Variants in LINGO2 observed in about 807,000 individuals in gnomAD.
The protein encoded by LINGO2 is leucine rich repeat and Ig domain containing 2.
A neutral mutation model predicts 30.6 loss-of-function variants in LINGO2; 14 were observed. The ratio of observed to expected loss-of-function variants is 0.46; its 90% CI spans 0.30 to 0.72. LINGO2 has a LOEUF of 0.72. LINGO2 is among the 30% of genes least tolerant of loss of function. LINGO2 has a pLI of 0.07. For missense variants in LINGO2, 729 were observed against 751.7 expected (o/e 0.97, Z 0.35); for synonymous variants, 317 against 288.5 (o/e 1.10, Z -1.00).
At chr9:28,314,339 A>G (rs1824754579) in intron 3 of LINGO2, among the ~76,000 whole-genome samples, 2 of 152,220 alleles carry the variant, frequency 1.3e-5, no homozygotes, top group South Asian at 2.1e-4. Flanking sequence ...AAAGTTGATC[A>G]ATAAATCCAC....
chr9:28,348,984 C>T lies in LINGO2; in HGVS notation c.-246+23852G>A, dbSNP rs1377900332. Among the ~76,000 whole-genome samples the T allele has an allele frequency of 2.0e-4, 30 of 150,340 alleles. No individual in the cohort carries two copies. In the South Asian group the frequency reaches 3.4e-3, roughly 17 times the overall value. ...TAACAAACAGAAAGGACATCCACAC[C>T]AAAAACCCATCTGTACATCACCATC... On this transcript the variant is annotated intron_variant, in intron 3 of 5. Transcript: ENST00000379992.
chr9:28,797,353 TATATATAGAGAG>T, the LINGO2 span, among the ~76,000 whole-genome samples: 156 of 60,992 alleles, frequency 2.6e-3, no homozygotes, highest in African/African-American at 8.1e-3. Context: ...TATATATATA[TATATATAGAGAG>T]AGAGAGAGAG....
At chr9:28,897,871 T>C in the LINGO2 span, among the ~76,000 whole-genome samples, 2 of 152,146 alleles carry the variant, frequency 1.3e-5, no homozygotes, top group African/African-American at 2.4e-5. Flanking sequence ...CCATAATAGA[T>C]AGAAATTTGG....
chr9:29,175,322 C>T, the LINGO2 span, among the ~76,000 whole-genome samples: 1 of 152,130 alleles, frequency 6.6e-6, no homozygotes, highest in African/African-American at 2.4e-5. Context: ...CAATGGACTA[C>T]TATTTTATAT....
At chr9:28,291,061 A>C (rs1823710429) in intron 4 of LINGO2, among the ~76,000 whole-genome samples, 2 of 152,136 alleles carry the variant, frequency 1.3e-5, no homozygotes, top group Admixed American at 1.3e-4. Context: ...TTGTCCACTT[A>C]ATGACACTTT....
At chr9:28,143,925 T>C (rs1010465750) in intron 4 of LINGO2, among the ~76,000 whole-genome samples, 3 of 152,192 alleles carry the variant, frequency 2.0e-5, no homozygotes, top group Admixed American at 2.0e-4. Flanking sequence ...ATAAAAACTT[T>C]TGTTGTGACT....
intron 1 of LINGO2, among the ~76,000 whole-genome samples, chr9:28,516,635 T>G (rs1820629420): frequency 6.6e-6 from 1 of 152,190 alleles, no homozygotes; most frequent in African/African-American, 2.4e-5. Flanking sequence ...TTAAAAAAAT[T>G]TAAAACCAAG....
At chr9:28,407,760 C>A (rs1564180249) in intron 2 of LINGO2, among the ~76,000 whole-genome samples, 1 of 152,108 alleles carries the variant, frequency 6.6e-6, no homozygotes, top group Non-Finnish European at 1.5e-5. Context: ...TAACCTTTTC[C>A]TTACATTATA....
the LINGO2 span, among the ~76,000 whole-genome samples, chr9:28,700,602 T>G: frequency 6.6e-6 from 1 of 152,130 alleles, no homozygotes; most frequent in Admixed American, 6.6e-5. Context: ...CATCCATGTT[T>G]AAACCATTCA....
At chr9:28,716,927 C>T in the LINGO2 span, among the ~76,000 whole-genome samples, 8 of 151,960 alleles carry the variant, frequency 5.3e-5, no homozygotes, top group East Asian at 7.7e-4. Flanking sequence ...TTAAAATATA[C>T]GGTTTCTATC....
intron 4 of LINGO2, among the ~76,000 whole-genome samples, chr9:28,200,082 T>C (rs1554686543): frequency 1.3e-5 from 2 of 151,842 alleles, no homozygotes; most frequent in South Asian, 2.1e-4. Context: ...AACAAAACAC[T>C]TTCTTCACAA....
At chr9:28,984,798 T>C in the LINGO2 span, among the ~76,000 whole-genome samples, 8 of 152,136 alleles carry the variant, frequency 5.3e-5, no homozygotes, top group African/African-American at 1.9e-4. Context: ...CATTCATGAA[T>C]ACAATGTGGA....
chr9:29,083,467 G>T, the LINGO2 span, among the ~76,000 whole-genome samples: 1 of 151,950 alleles, frequency 6.6e-6, no homozygotes, highest in Admixed American at 6.6e-5. Context: ...AGCATTAGGA[G>T]ATATACCTAA....
intron 5 of LINGO2, among the ~76,000 whole-genome samples, chr9:27,973,015 T>TA (rs752694553): frequency 6.6e-6 from 1 of 152,194 alleles, no homozygotes; most frequent in African/African-American, 2.4e-5. Flanking sequence ...CATCTTCTCC[T>TA]ATTCTCTGAT....
chr9:28,737,717 T>C, the LINGO2 span, among the ~76,000 whole-genome samples: 1 of 152,134 alleles, frequency 6.6e-6, no homozygotes, highest in African/African-American at 2.4e-5. Context: ...TTCAGTCTTT[T>C]CAAGTATTTT....
chr9:28,708,775 A>G, the LINGO2 span, among the ~76,000 whole-genome samples: 1 of 151,796 alleles, frequency 6.6e-6, no homozygotes, highest in Non-Finnish European at 1.5e-5. Flanking sequence ...CTATCTATCT[A>G]TCTATCTATC....
At chr9:29,198,188 G>A in the LINGO2 span, among the ~76,000 whole-genome samples, 1 of 152,022 alleles carries the variant, frequency 6.6e-6, no homozygotes, top group African/African-American at 2.4e-5. Context: ...TTAAAAGGAG[G>A]CATTTTCTGT....
the LINGO2 span, among the ~76,000 whole-genome samples, chr9:28,869,662 G>A: frequency 6.6e-6 from 1 of 151,932 alleles, no homozygotes; most frequent in African/African-American, 2.4e-5. Context: ...ATGAGAAATG[G>A]CTAGTCCCTG....
intron 3 of LINGO2, among the ~76,000 whole-genome samples, chr9:28,350,551 GGA>G (rs1340407816): frequency 2.8e-5 from 4 of 143,784 alleles, no homozygotes; most frequent in Non-Finnish European, 6.1e-5. Flanking sequence ...ATTAATAATG[GGA>G]GACTTTAACA....
Sources: gnomAD v4.1 joint callset for allele counts (sites outside exome capture counted in the v4.1 genomes callset) on GRCh38, gnomAD v4.1.1 for gene constraint, MANE v1.5 for transcripts, NCBI Gene and HGNC (gene_info 2026-07-23, HGNC 2026-07-21) for gene names.